TTLL5: variants seen among roughly 807,000 people sequenced by gnomAD.
The protein encoded by TTLL5 is tubulin polyglutamylase TTLL5.
In TTLL5, 132 loss-of-function variants were observed where a neutral mutation model predicts 168.4. The ratio of observed to expected loss-of-function variants is 0.78; its 90% CI spans 0.68 to 0.91. The LOEUF (loss-of-function observed/expected upper bound fraction) is 0.91. TTLL5 is among the 40% of genes least tolerant of loss of function. The pLI, the probability that TTLL5 is intolerant of heterozygous loss-of-function variation, is 0.00. For synonymous variants in TTLL5, 546 were observed against 558.6 expected, an observed-to-expected ratio of 0.98 and a Z score of 0.32; for missense variants, 1,545 against 1,581.5, an observed-to-expected ratio of 0.98 and a Z score of 0.39.
At chr14:75,915,726 C>T (rs1354393313) in intron 31 of TTLL5, among the ~76,000 whole-genome samples, 1 of 152,146 alleles carries the variant, frequency 6.6e-6, no homozygotes, top group Non-Finnish European at 1.5e-5. Context: ...ATGCAAATAA[C>T]TAATAGGCAC....
chr14:75,829,257 A>G (rs905651409), intron 28 of TTLL5, among the ~76,000 whole-genome samples: 8 of 152,202 alleles, frequency 5.3e-5, no homozygotes, highest in African/African-American at 1.7e-4. Context: ...AATTGCACAT[A>G]TATTTGGTGC....
rs185042020 is a variant in TTLL5 at position 75,728,206 on chromosome 14, G to A, written c.1043-4132G>A. On this transcript the variant is annotated intron_variant, in intron 12 of 31. Transcript: ENST00000298832. ...CCCCATCTCTACTAAAAATACAAAA[G>A]TTAGCCAGGCATGGTGGCAGGTGCC... Among the ~76,000 whole-genome samples, 160 of 151,772 alleles carry A rather than the reference G, an allele frequency of 1.1e-3. 1 individual carries two copies. Among genetic ancestry groups the A allele is most frequent in the African/African-American group, 3.6e-3 (149 of 41,420 alleles).
intron 28 of TTLL5, among the ~76,000 whole-genome samples, chr14:75,854,392 A>C (rs963186064): frequency 6.6e-6 from 1 of 152,230 alleles, no homozygotes; most frequent in Non-Finnish European, 1.5e-5. Flanking sequence ...ACTTCATTGT[A>C]TGAATACACC....
chr14:75,943,171 G>A (rs1159183531), intron 31 of TTLL5, among the ~76,000 whole-genome samples: 1 of 152,148 alleles, frequency 6.6e-6, no homozygotes, highest in Non-Finnish European at 1.5e-5. Context: ...TCGTTGTTCT[G>A]TATACCTCTC....
At chr14:75,894,597 C>T (rs2140064520) in intron 30 of TTLL5, among the ~76,000 whole-genome samples, 1 of 152,042 alleles carries the variant, frequency 6.6e-6, no homozygotes. Context: ...AAAACAAAAA[C>T]TAAGATAGTA....
intron 3 of TTLL5, among the ~76,000 whole-genome samples, chr14:75,675,764 G>T (rs538279491): frequency 6.6e-6 from 1 of 152,200 alleles, no homozygotes; most frequent in South Asian, 2.1e-4. Context: ...TTCTTGTTAC[G>T]GGAGAGAAAG....
intron 28 of TTLL5, among the ~76,000 whole-genome samples, chr14:75,859,793 C>G (rs1897312942): frequency 1.3e-5 from 2 of 152,150 alleles, no homozygotes; most frequent in African/African-American, 4.8e-5. Flanking sequence ...CACCAGAAAT[C>G]AAGGAAAGGC....
At chr14:75,857,465 A>C (rs1204220570) in intron 28 of TTLL5, among the ~76,000 whole-genome samples, 6 of 152,092 alleles carry the variant, frequency 3.9e-5, no homozygotes, top group Admixed American at 3.3e-4. Flanking sequence ...ATCTGTGTTC[A>C]TCAGGCATAT....
intron 27 of TTLL5, among the ~76,000 whole-genome samples, chr14:75,802,963 A>T (rs551374746): frequency 6.6e-6 from 1 of 152,346 alleles, no homozygotes; most frequent in South Asian, 2.1e-4. Context: ...ATATGTAGCG[A>T]AACGAGTGAC....
chr14:75,869,819 G>GTTTTTTTTTTT (rs1232447597), intron 29 of TTLL5, among the ~76,000 whole-genome samples: 4 of 18,438 alleles, frequency 2.2e-4, no homozygotes, highest in Non-Finnish European at 1.9e-4. Context: ...CATTCAACAA[G>GTTTTTTTTTTT]TATTTTTTTT....
chr14:75,732,851 C>G (rs1412903442), intron 13 of TTLL5, among the ~76,000 whole-genome samples: 3 of 152,152 alleles, frequency 2.0e-5, no homozygotes, highest in Admixed American at 1.3e-4. Flanking sequence ...TTTACCCTGT[C>G]TCATGTTTAA....
intron 28 of TTLL5, among the ~76,000 whole-genome samples, chr14:75,846,497 A>G (rs1170983638): frequency 6.6e-6 from 1 of 152,230 alleles, no homozygotes; most frequent in Non-Finnish European, 1.5e-5. Context: ...GTAAAGAATT[A>G]AAAGAGATAC....
At chr14:75,748,718 A>G (rs554686156) in intron 17 of TTLL5, among the ~76,000 whole-genome samples, 17 of 152,372 alleles carry the variant, frequency 1.1e-4, no homozygotes, top group African/African-American at 3.8e-4. Flanking sequence ...TATGTAAACT[A>G]TCAGCAATGC....
Position 75,821,383 on chromosome 14 carries a change from A to G in TTLL5, c.3326+1222A>G, listed in dbSNP as rs145251817. Reference sequence around the variant, plus strand: ...TGCTGTAAAACATCAGTCATAAACAAGAAATTCTGTTTATACCATAGAGCT... The same window carrying G: ...TGCTGTAAAACATCAGTCATAAACAGGAAATTCTGTTTATACCATAGAGCT... On this transcript the variant is annotated intron_variant, in intron 28 of 31. Coordinates refer to ENST00000298832, the MANE Select transcript of TTLL5 (RefSeq NM_015072.5). Among the ~76,000 whole-genome samples the G allele has an allele frequency of 4.7e-3, 717 of 152,342 alleles. 8 individuals carry two copies. The highest frequency in any genetic ancestry group is 0.017 in the African/African-American group (688 of 41,574).
At chr14:75,727,896 G>C in intron 12 of TTLL5, 1 of 476,332 alleles carries the variant, frequency 2.1e-6, no homozygotes, top group South Asian at 1.5e-5. Flanking sequence ...GCAGCACAAG[G>C]AGTCCTTTTG....
In TTLL5 at chr14:75,764,503, C is replaced by T; in HGVS notation, c.1551-112C>T. ...TTATCTGTCAAACTTTTAGAATTCA[C>T]TTGAGTTACCATGTCCAGTATGTCA... On this transcript the variant is annotated intron_variant, in intron 18 of 31. Coordinates refer to ENST00000298832, the MANE Select transcript of TTLL5 (RefSeq NM_015072.5). 2.3e-6 allele frequency: 3 copies of T among 1,289,094 alleles called. No individual in the cohort carries two copies. In the South Asian group the frequency reaches 4.3e-5, roughly 19 times the overall value. The allele number at this position is 1,289,094 out of a possible 1,614,324, so 79.9% of individuals were successfully genotyped here. A position where few individuals can be genotyped will look rare whatever the true frequency, so the allele number is the denominator to read the frequency against.
chr14:75,886,839 ATACTC>A, intron 30 of TTLL5: 1 of 1,543,948 alleles, frequency 6.5e-7, no homozygotes, highest in Non-Finnish European at 8.7e-7. Flanking sequence ...AGCCAGAATC[ATACTC>A]TCCAGGAAAT....
In TTLL5 at chr14:75,695,103, G is replaced by A. The variant is rs145126818; in HGVS notation, c.503-4085G>A. Among the ~76,000 whole-genome samples, 787 of 152,316 alleles carry A rather than the reference G, an allele frequency of 5.2e-3. 6 individuals are homozygous for A. Among genetic ancestry groups the A allele is most frequent in the African/African-American group, 0.015 (620 of 41,576 alleles). On this transcript the variant is annotated intron_variant, in intron 6 of 31. Transcript: ENST00000298832. ...GCCATATTTCTCTTCTTACAAAAGC[G>A]AATAGGAGAAATATTGCTGAATTCT...
At chr14:75,787,336 C>T (rs1170175320) in intron 26 of TTLL5, among the ~76,000 whole-genome samples, 1 of 151,952 alleles carries the variant, frequency 6.6e-6, no homozygotes, top group Non-Finnish European at 1.5e-5. Context: ...TGAGTACTAA[C>T]CAGAAGAAAG....
Sources: allele counts gnomAD v4.1 joint callset (sites outside exome capture counted in the v4.1 genomes callset), GRCh38; gene constraint gnomAD v4.1.1; transcripts MANE v1.5; gene names NCBI Gene and HGNC (gene_info 2026-07-23, HGNC 2026-07-21).